NTRK2: variants seen among roughly 807,000 people sequenced by gnomAD.
NTRK2 encodes the protein neurotrophic receptor tyrosine kinase 2.
In NTRK2, 13 loss-of-function variants were observed where a neutral mutation model predicts 94.5. The observed-to-expected ratio is 0.14, with a 90% CI of 0.09 to 0.22. NTRK2 has a LOEUF of 0.22. Among genes scored for constraint, NTRK2 ranks in the 10% least tolerant of loss-of-function variants. The pLI, the probability that NTRK2 is intolerant of heterozygous loss-of-function variation, is 1.00. For missense variants in NTRK2, 639 were observed against 1,071.2 expected, an observed-to-expected ratio of 0.60 and a Z score of 5.63; for synonymous variants, 372 against 407.4, an observed-to-expected ratio of 0.91 and a Z score of 1.05.
chr9:84,874,497 C>G (rs988326880), intron 14 of NTRK2: 2 of 1,065,704 alleles, frequency 1.9e-6, no homozygotes, highest in African/African-American at 3.3e-5. Flanking sequence ...AGCTGTGATG[C>G]TGCTCTGAGG....
intron 15 of NTRK2, among the ~76,000 whole-genome samples, chr9:84,946,248 G>A (rs962868899): frequency 2.6e-5 from 4 of 152,148 alleles, no homozygotes; most frequent in Non-Finnish European, 5.9e-5. Context: ...CACAACTCAC[G>A]TGCCACTTCT....
chr9:84,739,824 A>T (rs994683496), intron 9 of NTRK2, among the ~76,000 whole-genome samples: 1 of 152,198 alleles, frequency 6.6e-6, no homozygotes, highest in African/African-American at 2.4e-5. Flanking sequence ...GAATCCTCTT[A>T]GTTCCTGGCA....
rs1422634259 is a variant in NTRK2 at position 84,685,683 on chromosome 9, C to T, written c.212+14723C>T. 2.6e-5 allele frequency among the ~76,000 whole-genome samples: 4 copies of T among 152,264 alleles called. No homozygotes were observed. In the East Asian group the frequency reaches 7.7e-4, roughly 29 times the overall value. On this transcript the variant is annotated intron_variant, in intron 2 of 18. Transcript: ENST00000277120. ...TTCAATTTATCTACTGAGCTATATT[C>T]TCACTTATCTTCCAGGTTGTCCTCT...
At chr9:84,913,608 T>G (rs914693976) in intron 14 of NTRK2, among the ~76,000 whole-genome samples, 1 of 152,206 alleles carries the variant, frequency 6.6e-6, no homozygotes, top group South Asian at 2.1e-4. Context: ...GGTGTGGTAC[T>G]TTCCTCTGGC....
chr9:84,785,679 C>T (rs111806336), intron 12 of NTRK2, among the ~76,000 whole-genome samples: 5 of 152,130 alleles, frequency 3.3e-5, no homozygotes, highest in Non-Finnish European at 7.4e-5. Context: ...TTGAGAAGTC[C>T]CTAATTACAC....
chr9:84,730,789 A>G, intron 9 of NTRK2, among the ~76,000 whole-genome samples: 1 of 140,986 alleles, frequency 7.1e-6, no homozygotes, highest in African/African-American at 2.7e-5. Context: ...ATAGCAAAAA[A>G]AAAAAAAAAA....
At chr9:84,844,260 G>A (rs894024877) in intron 12 of NTRK2, among the ~76,000 whole-genome samples, 6 of 152,222 alleles carry the variant, frequency 3.9e-5, no homozygotes, top group Non-Finnish European at 8.8e-5. Context: ...CTGAGAGCTG[G>A]AGAGGCCTGG....
At chr9:84,846,611 T>C (rs2074486074) in intron 12 of NTRK2, among the ~76,000 whole-genome samples, 1 of 152,238 alleles carries the variant, frequency 6.6e-6, no homozygotes, top group African/African-American at 2.4e-5. Context: ...CAGCCTTTCA[T>C]TACATTTTGT....
intron 2 of NTRK2, among the ~76,000 whole-genome samples, chr9:84,689,185 A>C (rs1179727812): frequency 6.6e-6 from 1 of 152,254 alleles, no homozygotes; most frequent in African/African-American, 2.4e-5. Context: ...GGGAGGACTG[A>C]AAAGCAAAAG....
At position 84,775,289 on chromosome 9, in the gene NTRK2, A is replaced by G. The variant is rs1039290195; in HGVS notation, c.1396+23204A>G. The stretch of plus-strand genomic sequence containing the variant: ...CCTTGGCTCCCACAGCAAGGAGGTG[A>G]CAGAGCGGGGACAACTCCAGCCTCT... On this transcript the variant is annotated intron_variant, in intron 12 of 18. Transcript: ENST00000277120. Among the ~76,000 whole-genome samples, 7 of 152,212 alleles carry G rather than the reference A, an allele frequency of 4.6e-5. 1 individual carries two copies. The South Asian group carries it at 1.0e-3, about 22-fold the overall frequency.
chr9:84,865,921 C>T (rs2075572308), intron 13 of NTRK2, among the ~76,000 whole-genome samples: 1 of 152,190 alleles, frequency 6.6e-6, no homozygotes, highest in Non-Finnish European at 1.5e-5. Context: ...TATCTTTGTG[C>T]ATCTAATTTT....
chr9:84,959,604 A>T (rs1824640420), intron 17 of NTRK2, among the ~76,000 whole-genome samples: 1 of 152,244 alleles, frequency 6.6e-6, no homozygotes, highest in Non-Finnish European at 1.5e-5. Flanking sequence ...CTTCCCAATG[A>T]AGGGAGAAAT....
intron 17 of NTRK2, among the ~76,000 whole-genome samples, chr9:84,966,621 CG>C (rs960306313): frequency 3.9e-5 from 6 of 152,010 alleles, no homozygotes; most frequent in Non-Finnish European, 8.8e-5. Context: ...TTAGTAGAGA[CG>C]GGGTTTCACT....
At chr9:84,788,270 A>G (rs936219997) in intron 12 of NTRK2, among the ~76,000 whole-genome samples, 1 of 152,214 alleles carries the variant, frequency 6.6e-6, no homozygotes. Context: ...TTGGGAAAAT[A>G]GGAGGAAAAT....
intron 9 of NTRK2, among the ~76,000 whole-genome samples, chr9:84,732,972 A>G (rs2062994253): frequency 1.3e-5 from 2 of 152,144 alleles, no homozygotes; most frequent in African/African-American, 4.8e-5. Context: ...CTGACTCCCC[A>G]CAAAGACTTT....
chr9:84,896,061 G>C (rs2076749505), intron 14 of NTRK2, among the ~76,000 whole-genome samples: 1 of 152,056 alleles, frequency 6.6e-6, no homozygotes, highest in African/African-American at 2.4e-5. Flanking sequence ...TTGTTGTTCT[G>C]TTTTAGATGA....
rs201445439 is a variant in NTRK2 at position 84,752,034 on chromosome 9, G to A, written c.1345G>A (p.Val449Ile). ...GTCTGTGGTGGGATTTTGCCTTTTG[G>A]TAATGCTGTTTCTGCTTAAGTTGGC... ...IASVVGFCLLVMLFLLKLARH... is the reference protein window; with the variant it reads ...IASVVGFCLLIMLFLLKLARH... Residue 449 changes from valine (V) to isoleucine (I), a missense_variant, in exon 12 of 19, where the codon GTA (valine) becomes ATA (isoleucine). Coordinates refer to ENST00000277120, the MANE Select transcript of NTRK2 (RefSeq NM_006180.6). 50 of 1,614,054 alleles carry A rather than the reference G, an allele frequency of 3.1e-5. No homozygotes were observed. Among genetic ancestry groups the A allele is most frequent in the Admixed American group, 2.7e-4 (16 of 60,024 alleles).
intron 17 of NTRK2, among the ~76,000 whole-genome samples, chr9:84,955,990 G>A (rs529684340): frequency 2.6e-5 from 4 of 152,310 alleles, no homozygotes; most frequent in Admixed American, 6.5e-5. Context: ...GCACTCCAGC[G>A]TGGTGGGTGA....
chr9:84,710,356 G>A (rs555650710), intron 5 of NTRK2, among the ~76,000 whole-genome samples: 279 of 152,232 alleles, frequency 1.8e-3, no homozygotes, highest in African/African-American at 6.4e-3. Context: ...GTTATGAGAT[G>A]TTCTTTTCTA....
Sources: allele counts gnomAD v4.1 joint callset (sites outside exome capture counted in the v4.1 genomes callset), GRCh38; gene constraint gnomAD v4.1.1; transcripts MANE v1.5; gene names NCBI Gene and HGNC (gene_info 2026-07-23, HGNC 2026-07-21).